The following TARS3 variants were observed in gnomAD, a reference collection of about 807,000 sequenced individuals.
The protein encoded by TARS3 is threonyl-tRNA synthetase 3.
Under a neutral mutation model 103.5 loss-of-function variants are expected in TARS3, and 94 were observed. That is an observed-to-expected ratio of 0.91 (90% CI 0.77 to 1.08). TARS3 has a LOEUF of 1.08. Ranked by LOEUF, TARS3 falls within the 50% of genes least tolerant of loss-of-function variation. The pLI is 0.00. For synonymous variants in TARS3, 416 were observed against 355.4 expected (o/e 1.17, Z -1.92); for missense variants, 952 against 995.2 (o/e 0.96, Z 0.58).
In TARS3 at chr15:101,653,626, GTT is replaced by G. The variant is rs1378845496; in HGVS notation, c.*954_*955del. On this transcript the variant is annotated 3_prime_UTR_variant, in exon 19 of 19. Coordinates refer to ENST00000335968, the MANE Select transcript of TARS3 (RefSeq NM_152334.3). Reference sequence around the variant, plus strand: ...ATATATATTGTTTTGTTTGCCAACTGTTTCACTGTTCACATCCCTCAGGAAGT... The same window carrying G: ...ATATATATTGTTTTGTTTGCCAACTGTCACTGTTCACATCCCTCAGGAAGT... 1 of 152,220 alleles carries G rather than the reference GTT, an allele frequency of 6.6e-6. No homozygotes were observed. The highest frequency in any genetic ancestry group is 1.5e-5 in the Non-Finnish European group (1 of 68,040). 9.4% of individuals were successfully genotyped at this position (152,220 alleles called of 1,614,324 possible).
chr15:101,682,291 A>G (rs1898286359), intron 12 of TARS3, among the ~76,000 whole-genome samples: 1 of 152,188 alleles, frequency 6.6e-6, no homozygotes, highest in Non-Finnish European at 1.5e-5. Flanking sequence ...TCAGGTTAAG[A>G]AAGTTCCCTT....
chr15:101,689,389 T>G (rs1898611413), intron 10 of TARS3, among the ~76,000 whole-genome samples: 1 of 152,142 alleles, frequency 6.6e-6, no homozygotes, highest in Non-Finnish European at 1.5e-5. Flanking sequence ...AATAAGATAT[T>G]TTGAAGTCCT....
intron 8 of TARS3, among the ~76,000 whole-genome samples, chr15:101,703,033 GACC>G (rs1397240339): frequency 6.6e-6 from 1 of 152,138 alleles, no homozygotes; most frequent in Non-Finnish European, 1.5e-5. Context: ...CGGTCTTGCT[GACC>G]TACAGTCAAT....
chr15:101,662,742 C>T (rs1228935108), intron 15 of TARS3, among the ~76,000 whole-genome samples: 1 of 152,202 alleles, frequency 6.6e-6, no homozygotes, highest in East Asian at 1.9e-4. Context: ...AATATCCCAT[C>T]ATGTTGATTT....
In TARS3 at chr15:101,661,833, A is replaced by G. The variant is rs760619505; in HGVS notation, c.1968-17T>C. 9.5e-6 allele frequency: 14 copies of G among 1,480,236 alleles called. No individual in the cohort carries two copies. The Admixed American group carries it at 2.5e-4, about 26-fold the overall frequency. The allele number at this position is 1,480,236 out of a possible 1,614,324, so 91.7% of individuals were successfully genotyped here. A position where few individuals can be genotyped will look rare whatever the true frequency, so the allele number is the denominator to read the frequency against. On this transcript the variant is annotated splice_polypyrimidine_tract_variant and intron_variant, in intron 15 of 18. Transcript: ENST00000335968. ...CCATCCTTACTAAAAAATGAAAATT[A>G]TACATTTAAGTCTTTTCCTAAGATT...
intron 3 of TARS3, among the ~76,000 whole-genome samples, chr15:101,717,147 G>A (rs1403473212): frequency 2.6e-5 from 4 of 152,104 alleles, no homozygotes; most frequent in African/African-American, 7.2e-5. Flanking sequence ...GTGAGCCACC[G>A]TGCCCAGCCT....
chr15:101,708,018 T>G (rs1596322088), intron 6 of TARS3, among the ~76,000 whole-genome samples: 1 of 150,904 alleles, frequency 6.6e-6, no homozygotes, highest in Admixed American at 6.6e-5. Flanking sequence ...CTGAGGGGGG[T>G]AGATCACTTG....
At chr15:101,655,616 C>G (rs912061855) in intron 18 of TARS3, among the ~76,000 whole-genome samples, 40 of 144,420 alleles carry the variant, frequency 2.8e-4, no homozygotes, top group Non-Finnish European at 5.8e-4. Flanking sequence ...CTTACAGGCT[C>G]ACAGTGACTC....
At chr15:101,668,344 G>A (rs62027592) in intron 15 of TARS3, among the ~76,000 whole-genome samples, 25,124 of 152,136 alleles carry the variant, frequency 0.17, 2,451 homozygotes, top group Non-Finnish European at 0.23. Flanking sequence ...GGAAGGCTGA[G>A]GAGAGGGAGA....
Position 101,724,163 on chromosome 15 carries a change from G to C in TARS3, c.225C>G (p.Leu75=). 2.7e-6 allele frequency: 4 copies of C among 1,483,606 alleles called. No individual in the cohort carries two copies. Among genetic ancestry groups the C allele is most frequent in the Non-Finnish European group, 3.6e-6 (4 of 1,118,792 alleles). The allele number at this position is 1,483,606 out of a possible 1,614,324, so 91.9% of individuals were successfully genotyped here. Residue 75 remains leucine, a synonymous_variant, in exon 1 of 19, where the codon CTC becomes CTG. Transcript: ENST00000335968. ...RHRLCSLRLC[L]AEERSRQATL... The stretch of plus-strand genomic sequence containing the variant: ...TGGCCTGGCGGCTCCGCTCCTCGGC[G>C]AGGCACAGCCGCAGGCTGCACAGGC...
At chr15:101,711,457 G>C (rs769682119) in intron 5 of TARS3, among the ~76,000 whole-genome samples, 1 of 152,050 alleles carries the variant, frequency 6.6e-6, no homozygotes, top group Non-Finnish European at 1.5e-5. Flanking sequence ...TCTGCCACCC[G>C]GAGACAGCAA....
At chr15:101,714,336 G>A (rs1900021069) in intron 4 of TARS3, among the ~76,000 whole-genome samples, 1 of 152,018 alleles carries the variant, frequency 6.6e-6, no homozygotes, top group African/African-American at 2.4e-5. Context: ...GGGCACAGTG[G>A]CTCACACCTG....
rs781385539 is a variant in TARS3 at position 101,656,977 on chromosome 15, A to G, written c.2205T>C (p.Cys735=). 1 of 1,614,018 alleles carries G rather than the reference A, an allele frequency of 6.2e-7. No individual in the cohort carries two copies. Among genetic ancestry groups the G allele is most frequent in the Admixed American group, 1.7e-5 (1 of 60,022 alleles). ...CATTTCGTATTTTCTTATTTAGTGT[A>G]CAACTGTGATCCAAGTCAACGTCAG... The part of the protein sequence containing the change: ...FMADVDLDHS[C]TLNKKIRNAQ... Residue 735 remains cysteine, a synonymous_variant, in exon 18 of 19, where the codon TGT becomes TGC. Coordinates refer to ENST00000335968, the MANE Select transcript of TARS3 (RefSeq NM_152334.3).
intron 5 of TARS3, among the ~76,000 whole-genome samples, chr15:101,710,203 C>T (rs180673637): frequency 1.1e-4 from 16 of 152,300 alleles, no homozygotes; most frequent in Admixed American, 3.3e-4. Context: ...TGGGGCATGG[C>T]GCCCAGAGAC....
intron 5 of TARS3, among the ~76,000 whole-genome samples, chr15:101,709,347 G>A (rs1156697324): frequency 6.6e-6 from 1 of 152,170 alleles, no homozygotes; most frequent in Non-Finnish European, 1.5e-5. Context: ...GCAGCACTCA[G>A]CCTCCGCTAT....
At chr15:101,706,092 C>G (rs979335382) in intron 6 of TARS3, among the ~76,000 whole-genome samples, 3 of 152,180 alleles carry the variant, frequency 2.0e-5, no homozygotes, top group Admixed American at 6.5e-5. Flanking sequence ...TCCCGTGTAG[C>G]TGGAATTACA....
chr15:101,662,500 CAAACAA>C (rs1024017207), intron 15 of TARS3, among the ~76,000 whole-genome samples: 7 of 152,112 alleles, frequency 4.6e-5, no homozygotes, highest in African/African-American at 1.4e-4. Flanking sequence ...TAAAATAAAA[CAAACAA>C]AAACAGAGAA....
At chr15:101,716,009 C>T (rs1474492046) in intron 3 of TARS3, among the ~76,000 whole-genome samples, 2 of 151,324 alleles carry the variant, frequency 1.3e-5, no homozygotes, top group Non-Finnish European at 2.9e-5. Flanking sequence ...GAACTATCCG[C>T]TTCCTTTGCC....
intron 13 of TARS3, among the ~76,000 whole-genome samples, chr15:101,675,228 A>G (rs1897973337): frequency 6.6e-6 from 1 of 152,196 alleles, no homozygotes; most frequent in African/African-American, 2.4e-5. Flanking sequence ...CATCTAGACC[A>G]TGCAGCCCTG....
Sources: allele counts gnomAD v4.1 joint callset (sites outside exome capture counted in the v4.1 genomes callset), GRCh38; gene constraint gnomAD v4.1.1; transcripts MANE v1.5; gene names NCBI Gene and HGNC (gene_info 2026-07-23, HGNC 2026-07-21).